The following RALYL variants were observed in gnomAD, a reference collection of about 807,000 sequenced individuals.
RALYL encodes RNA-binding Raly-like protein.
In RALYL, 29 loss-of-function variants were observed where a neutral mutation model predicts 35.1. The observed-to-expected ratio is 0.83, with a 90% CI of 0.61 to 1.13. RALYL has a LOEUF of 1.13. RALYL is among the 50% of genes most tolerant of loss of function. The pLI is 0.00. For synonymous variants in RALYL, 120 were observed against 127.6 expected, an observed-to-expected ratio of 0.94 and a Z score of 0.40; for missense variants, 359 against 360.4, an observed-to-expected ratio of 1.00 and a Z score of 0.03.
chr8:84,267,171 C>T (rs1317198927), intron 1 of RALYL, among the ~76,000 whole-genome samples: 5 of 152,004 alleles, frequency 3.3e-5, no homozygotes, highest in Non-Finnish European at 7.4e-5. Flanking sequence ...AGGAAAATGA[C>T]CAAAATCTAT....
At chr8:84,404,539 T>A (rs2043261177) in intron 1 of RALYL, among the ~76,000 whole-genome samples, 1 of 152,190 alleles carries the variant, frequency 6.6e-6, no homozygotes, top group East Asian at 1.9e-4. Flanking sequence ...TTGTGGTGGA[T>A]AAGCTTTTTG....
chr8:84,571,805 A>G (rs1808065850), intron 2 of RALYL, among the ~76,000 whole-genome samples: 1 of 151,374 alleles, frequency 6.6e-6, no homozygotes, highest in South Asian at 2.1e-4. Flanking sequence ...TTTTGTTTAT[A>G]GTTTGTCTAT....
chr8:84,754,369 C>T (rs565362317), intron 2 of RALYL, among the ~76,000 whole-genome samples: 24 of 152,182 alleles, frequency 1.6e-4, no homozygotes, highest in Admixed American at 2.6e-4. Flanking sequence ...TGTAGGTGGG[C>T]CCAGGAGGAA....
chr8:84,309,761 A>G (rs1842414581), intron 1 of RALYL, among the ~76,000 whole-genome samples: 1 of 152,210 alleles, frequency 6.6e-6, no homozygotes, highest in Non-Finnish European at 1.5e-5. Flanking sequence ...CTTCATAAGA[A>G]AAGAAATCTC....
intron 2 of RALYL, among the ~76,000 whole-genome samples, chr8:84,707,786 C>A (rs914380145): frequency 2.0e-5 from 3 of 151,850 alleles, no homozygotes; most frequent in Admixed American, 6.6e-5. Flanking sequence ...CAAATAGAAT[C>A]CTTAAATGAA....
At chr8:84,206,463 C>T (rs1479863573) in intron 1 of RALYL, among the ~76,000 whole-genome samples, 1 of 152,108 alleles carries the variant, frequency 6.6e-6, no homozygotes, top group African/African-American at 2.4e-5. Flanking sequence ...AGGCTATATA[C>T]ACGAGACACT....
At chr8:84,405,642 T>A (rs2043399161) in intron 1 of RALYL, among the ~76,000 whole-genome samples, 1 of 152,068 alleles carries the variant, frequency 6.6e-6, no homozygotes, top group African/African-American at 2.4e-5. Flanking sequence ...ACATATACCC[T>A]CTCAAGAGTT....
At chr8:84,356,915 TGCAGCA>T (rs1336868200) in intron 1 of RALYL, among the ~76,000 whole-genome samples, 4,269 of 152,004 alleles carry the variant, frequency 0.028, 225 homozygotes, top group African/African-American at 0.044. Context: ...AAATAGTGTT[TGCAGCA>T]ATATATGGAA....
At chr8:84,411,094 T>C (rs2044052387) in intron 1 of RALYL, among the ~76,000 whole-genome samples, 1 of 151,922 alleles carries the variant, frequency 6.6e-6, no homozygotes, top group African/African-American at 2.4e-5. Context: ...GGGAATGTGG[T>C]AATAATCAGA....
chr8:84,296,362 A>G (rs115095011), intron 1 of RALYL, among the ~76,000 whole-genome samples: 1 of 152,126 alleles, frequency 6.6e-6, no homozygotes, highest in Non-Finnish European at 1.5e-5. Flanking sequence ...AAAGGTTCCC[A>G]AGAAACCAGA....
chr8:84,470,016 C>G (rs1173393201), intron 1 of RALYL, among the ~76,000 whole-genome samples: 1 of 152,142 alleles, frequency 6.6e-6, no homozygotes, highest in African/African-American at 2.4e-5. Flanking sequence ...GGTGCGCGCA[C>G]CCACTGACCT....
chr8:84,645,262 T>TCCCCCC (rs1827248577), intron 2 of RALYL, among the ~76,000 whole-genome samples: 2 of 152,004 alleles, frequency 1.3e-5, no homozygotes, highest in Non-Finnish European at 2.9e-5. Flanking sequence ...TGTTGTTGTT[T>TCCCCCC]ACATCATTTA....
intron 1 of RALYL, among the ~76,000 whole-genome samples, chr8:84,190,932 A>T (rs572133429): frequency 5.9e-5 from 9 of 152,008 alleles, no homozygotes; most frequent in Admixed American, 1.3e-4. Context: ...AGTTAGGATG[A>T]TAGCCACTGA....
At chr8:84,703,531 T>C (rs536695707) in intron 2 of RALYL, among the ~76,000 whole-genome samples, 3 of 152,234 alleles carry the variant, frequency 2.0e-5, no homozygotes. Flanking sequence ...ATGAAGTGAA[T>C]TGTCACATGG....
intron 3 of RALYL, 127 bp downstream of exon 3, chr8:84,774,781 A>G: frequency 1.5e-6 from 1 of 658,686 alleles, no homozygotes; most frequent in South Asian, 2.0e-5. Context: ...AGTACAACAA[A>G]TGTTGTTGGT....
intron 1 of RALYL, among the ~76,000 whole-genome samples, chr8:84,263,082 T>C (rs570667938): frequency 6.6e-6 from 1 of 152,162 alleles, no homozygotes; most frequent in Non-Finnish European, 1.5e-5. Flanking sequence ...AATATATCAA[T>C]GTAGCAAAAT....
chr8:84,901,729 G>T lies in RALYL; in HGVS notation c.858+13953G>T, dbSNP rs930776744. ...TTTCCAGGAGGGCCCTTAAAGAGGG[G>T]ATGGATCCTGGCTCAGGCTGAGGAT... On this transcript the variant is annotated intron_variant, in intron 8 of 8. Transcript: ENST00000521268. Among the ~76,000 whole-genome samples, 23 of 152,278 alleles carry T rather than the reference G, an allele frequency of 1.5e-4. 1 individual carries two copies. Among genetic ancestry groups the T allele is most frequent in the Admixed American group, 1.4e-3 (21 of 15,294 alleles).
chr8:84,473,716 TTAG>T (rs762167280), intron 1 of RALYL, among the ~76,000 whole-genome samples: 16 of 151,864 alleles, frequency 1.1e-4, no homozygotes, highest in Admixed American at 3.3e-4. Flanking sequence ...TCATTGGTAA[TTAG>T]TAGAAATATT....
intron 2 of RALYL, among the ~76,000 whole-genome samples, chr8:84,760,358 A>T (rs533235589): frequency 6.6e-6 from 1 of 152,188 alleles, no homozygotes; most frequent in Admixed American, 6.6e-5. Flanking sequence ...ATGTTATACA[A>T]ATAATTTATT....
Sources: allele counts gnomAD v4.1 joint callset (sites outside exome capture counted in the v4.1 genomes callset), GRCh38; gene constraint gnomAD v4.1.1; transcripts MANE v1.5; gene names NCBI Gene and HGNC (gene_info 2026-07-23, HGNC 2026-07-21).